C2: variants seen among roughly 807,000 people sequenced by gnomAD.
C2 encodes the protein C3/C5 convertase.
C2 carries 64 observed loss-of-function variants against 85.2 expected under a neutral mutation model. That is an observed-to-expected ratio of 0.75 (90% CI 0.61 to 0.92). The LOEUF (loss-of-function observed/expected upper bound fraction) is 0.92. Ranked by LOEUF, C2 falls within the 40% of genes least tolerant of loss-of-function variation. The probability of loss-of-function intolerance (pLI) is 0.00; values close to 1 mark genes in which losing one functional copy is unlikely to be tolerated. For missense variants in C2, 820 were observed against 971.6 expected, an observed-to-expected ratio of 0.84 and a Z score of 2.07; for synonymous variants, 311 against 370.8, an observed-to-expected ratio of 0.84 and a Z score of 1.85.
At chr6:31,899,142 G>GA (rs1405908755), upstream of C2, among the ~76,000 whole-genome samples, 1 of 150,916 alleles carries the variant, frequency 6.6e-6, no homozygotes, top group Non-Finnish European at 1.5e-5. Context: ...CCAAACTCCA[G>GA]AAAAAATCCT....
intron 3 of C2, among the ~76,000 whole-genome samples, chr6:31,930,104 G>A (rs1258153173): frequency 4.8e-5 from 7 of 146,868 alleles, no homozygotes; most frequent in African/African-American, 7.5e-5. Context: ...TTTTTGAGAC[G>A]GAGTCTAGCT....
Position 31,927,984 on chromosome 6 carries a change from C to G in C2, c.76C>G (p.Gln26Glu), listed in dbSNP as rs1369411794. The G allele has an allele frequency of 6.2e-7, 1 of 1,614,202 alleles. No homozygotes were observed. The highest frequency in any genetic ancestry group is 8.5e-7 in the Non-Finnish European group (1 of 1,180,028). The change falls in exon 2 of 18, where the codon CAG (glutamine) becomes GAG (glutamate). Residue 26 changes from glutamine (Q) to glutamate (E), a missense_variant. By Grantham distance (29) the Gln-to-Glu change is conservative. Transcript: ENST00000299367. The surrounding 1 kb of genome is among the most constrained non-coding windows in gnomAD (Gnocchi z 4.7). ...GLADSAPSCPQNVNISGGTFT... is the reference protein window; with the variant it reads ...GLADSAPSCPENVNISGGTFT... ...GGCAGACTCGGCTCCCTCCTGCCCTCAGAACGTGAATATCTCGGGTGGCAC... is the reference window on the plus strand; with the variant it reads ...GGCAGACTCGGCTCCCTCCTGCCCTGAGAACGTGAATATCTCGGGTGGCAC...
At position 31,930,953 on chromosome 6, in the gene C2, G is replaced by A. The variant is rs75299219; in HGVS notation, c.442+2036G>A. ...TAATCACCACCCAAGACAGAATGAG[G>A]TTCCCTCTTGTCCCCTCCCACAAGG... On this transcript the variant is annotated intron_variant, in intron 3 of 17. Coordinates refer to ENST00000299367, the MANE Select transcript of C2 (RefSeq NM_000063.6). Among the ~76,000 whole-genome samples, 8 of 152,336 alleles carry A rather than the reference G, an allele frequency of 5.3e-5. No individual in the cohort carries two copies. In the East Asian group the frequency reaches 1.5e-3, roughly 29 times the overall value.
intron 1 of C2, chr6:31,901,315 G>A: frequency 3.7e-6 from 6 of 1,601,342 alleles, no homozygotes; most frequent in Non-Finnish European, 4.3e-6. Context: ...TTGTGGCGGG[G>A]GTGGGCAACC....
rs1771039921 is a variant in C2, at chr6:31,943,263, A to C, written c.1399A>C (p.Asn467His). 6.2e-7 allele frequency: 1 copy of C among 1,613,020 alleles called. No homozygotes were observed. Among genetic ancestry groups the C allele is most frequent in the Non-Finnish European group, 8.5e-7 (1 of 1,180,014 alleles). The stretch of plus-strand genomic sequence containing the variant: ...CACAGACACCATCTGCGGGGTGGGG[A>C]ACATGTCAGCAAACGCCTCTGACCA... ...KLTDTICGVG[N>H]MSANASDQER... Residue 467 changes from asparagine (N) to histidine (H), a missense_variant, in exon 11 of 18, where the codon AAC (asparagine) becomes CAC (histidine). By Grantham distance (68) the Asn-to-His change is moderately conservative. Coordinates refer to ENST00000299367, the MANE Select transcript of C2 (RefSeq NM_000063.6). This position sits in a 1 kb window ranked among gnomAD's most constrained non-coding sequence, Gnocchi z 6.4.
intron 3 of C2, among the ~76,000 whole-genome samples, chr6:31,929,884 C>T (rs1052588345): frequency 4.7e-5 from 7 of 148,898 alleles, no homozygotes; most frequent in South Asian, 2.1e-4. Flanking sequence ...ATTAGCTGGG[C>T]GTGGTTAATC....
At position 31,937,468 on chromosome 6, in the gene C2, C is replaced by G. The variant is rs1478926665; in HGVS notation, c.1129+9C>G. On this transcript the variant is annotated intron_variant, in intron 8 of 17. Coordinates refer to ENST00000299367, the MANE Select transcript of C2 (RefSeq NM_000063.6). ...CATCCTTCTGACAGATGGTGGGTAT[C>G]ATGGTCTCTGAGTGTGTCTGGAATA... 6.2e-7 allele frequency: 1 copy of G among 1,612,664 alleles called. No individual in the cohort carries two copies. Among genetic ancestry groups the G allele is most frequent in the Non-Finnish European group, 8.5e-7 (1 of 1,179,958 alleles).
intron 1 of C2, among the ~76,000 whole-genome samples, chr6:31,911,481 C>A (rs544668998): frequency 2.0e-5 from 3 of 152,072 alleles, no homozygotes; most frequent in Non-Finnish European, 2.9e-5. Context: ...GCAAGGGGTA[C>A]ATAATTTGCA....
At chr6:31,924,533 T>G (rs116793716), upstream of C2, among the ~76,000 whole-genome samples, 1,579 of 152,264 alleles carry the variant, frequency 0.01, 15 homozygotes, top group Non-Finnish European at 0.017. Context: ...ACATACTCTG[T>G]GGGCCCAGAA....
In C2 at chr6:31,935,948, G is replaced by C; in HGVS notation, c.875G>C (p.Ser292Thr). Reference sequence around the variant, plus strand: ...ATCTTCAGCTTTGAGATCAATGTGAGCGTTGCCATTATCACCTTTGCCTCA... The same window carrying C: ...ATCTTCAGCTTTGAGATCAATGTGACCGTTGCCATTATCACCTTTGCCTCA... ...DRIFSFEINV[S>T]VAIITFASEP... is the part of the protein sequence containing the mutation. The change falls in exon 7 of 18, where the codon AGC becomes ACC. Residue 292 changes from serine to threonine, a missense_variant. Physicochemically the swap from Ser to Thr is moderately conservative, Grantham distance 58. Transcript: ENST00000299367. The surrounding 1 kb of genome is among the most constrained non-coding windows in gnomAD (Gnocchi z 4.3). 1 of 1,613,044 alleles carries C rather than the reference G, an allele frequency of 6.2e-7. No individual in the cohort carries two copies. Among genetic ancestry groups the C allele is most frequent in the East Asian group, 2.2e-5 (1 of 44,876 alleles).
rs1328341787 is a variant in C2, at chr6:31,927,790, T to C, written c.38T>C (p.Leu13Pro). 6.2e-7 allele frequency: 1 copy of C among 1,613,888 alleles called. No homozygotes were observed. Among genetic ancestry groups the C allele is most frequent in the Admixed American group, 1.7e-5 (1 of 60,022 alleles). ...PLMVLFCLLF[L>P]YPGLADSAPS... ...ATGGTTCTTTTTTGCCTGCTGTTCC[T>C]GTACCCAGGTAGGAGGCAGGGAAGG... Residue 13 changes from leucine to proline, a missense_variant, in exon 1 of 18, where the codon CTG becomes CCG. Leu to Pro is a moderately conservative substitution (Grantham distance 98). Transcript: ENST00000299367. The surrounding 1 kb of genome is among the most constrained non-coding windows in gnomAD (Gnocchi z 4.7).
Position 31,935,084 on chromosome 6 carries a change from C to G in C2, c.849+785C>G. ...GTTTGGAAGCCACTGGTTTAAGTTC[C>G]TCGCCAGAACTTTGTTTTGTAATTG... On this transcript the variant is annotated intron_variant, in intron 6 of 17. Coordinates refer to ENST00000299367, the MANE Select transcript of C2 (RefSeq NM_000063.6). The surrounding 1 kb of genome is among the most constrained non-coding windows in gnomAD (Gnocchi z 4.3). 2.0e-6 allele frequency: 2 copies of G among 978,440 alleles called. No homozygotes were observed. The highest frequency in any genetic ancestry group is 2.4e-6 in the Non-Finnish European group (2 of 823,618). 60.6% of individuals were successfully genotyped at this position (978,440 alleles called of 1,614,324 possible). A position where few individuals can be genotyped will look rare whatever the true frequency, so the allele number is the denominator to read the frequency against.
chr6:31,915,463 CCT>C (rs763600168), upstream of C2, among the ~76,000 whole-genome samples: 3 of 152,196 alleles, frequency 2.0e-5, no homozygotes, highest in Non-Finnish European at 4.4e-5. Context: ...CTAATATTCC[CCT>C]GTTTGTGTCC....
At chr6:31,934,691 T>C in intron 6 of C2, 1 of 1,233,566 alleles carries the variant, frequency 8.1e-7, no homozygotes, top group Non-Finnish European at 1.0e-6. Flanking sequence ...CTTTTAAAAC[T>C]TCAACATTTT....
rs184888880 is a variant in C2 at position 31,921,919 on chromosome 6, T to G, written c.-100+1893T>G. 1.3e-4 allele frequency among the ~76,000 whole-genome samples: 20 copies of G among 152,000 alleles called. No homozygotes were observed. The highest frequency in any genetic ancestry group is 1.3e-3 in the Admixed American group (20 of 15,274). On this transcript the variant is annotated intron_variant, in intron 1 of 3. Coordinates refer to the C2 transcript ENST00000413154. The surrounding 1 kb of genome is among the most constrained non-coding windows in gnomAD (Gnocchi z 4.6). The stretch of plus-strand genomic sequence containing the variant: ...TGTGATAGAGAAGGAAGGCAGTCAA[T>G]GAAGGGTGTGTTATCAGGCAAATTT...
intron 1 of C2, chr6:31,902,057 G>T: frequency 6.6e-6 from 1 of 151,106 alleles, no homozygotes; most frequent in South Asian, 2.0e-4. Context: ...CGGCGGCGGC[G>T]GCGTCGGCTA....
At chr6:31,931,941 G>A (rs1310435515) in intron 3 of C2, among the ~76,000 whole-genome samples, 1 of 90,918 alleles carries the variant, frequency 1.1e-5, no homozygotes, top group Non-Finnish European at 2.7e-5. Flanking sequence ...CGGGCGGGGG[G>A]CTGATCCCCC....
intron 8 of C2, among the ~76,000 whole-genome samples, chr6:31,938,256 T>C (rs1195774856): frequency 6.6e-6 from 1 of 152,006 alleles, no homozygotes; most frequent in Non-Finnish European, 1.5e-5. Context: ...AGGAACAGTC[T>C]GTAGTGGATC....
At chr6:31,900,637 G>A (rs751626028), upstream of C2, 3 of 1,612,802 alleles carry the variant, frequency 1.9e-6, no homozygotes, top group South Asian at 1.1e-5. This position sits in a 1 kb window ranked among gnomAD's most constrained non-coding sequence, Gnocchi z 9.7. Context: ...CAGGGGGTTT[G>A]AGCCGGTGTG....
Sources: allele counts gnomAD v4.1 joint callset (sites outside exome capture counted in the v4.1 genomes callset), GRCh38; gene constraint gnomAD v4.1.1; non-coding constraint Gnocchi (gnomAD v3.1); transcripts MANE v1.5; gene names NCBI Gene and HGNC (gene_info 2026-07-23, HGNC 2026-07-21).